Variants in NRDE2 observed in about 807,000 individuals in gnomAD.
NRDE2 encodes the protein NRDE-2, necessary for RNA interference, domain containing, also known as nuclear exosome regulator NRDE2.
NRDE2 carries 76 observed loss-of-function variants against 124.2 expected under a neutral mutation model. The ratio of observed to expected loss-of-function variants is 0.61; its 90% CI spans 0.51 to 0.74. NRDE2 has a LOEUF of 0.74. NRDE2 is among the 30% of genes least tolerant of loss of function. The probability of loss-of-function intolerance (pLI) is 0.00; values close to 1 mark genes in which losing one functional copy is unlikely to be tolerated. For synonymous variants in NRDE2, 489 were observed against 528.1 expected, an observed-to-expected ratio of 0.93 and a Z score of 1.01; for missense variants, 1,314 against 1,417.3, an observed-to-expected ratio of 0.93 and a Z score of 1.17.
At chr14:90,315,176 C>CA (rs71117336) in intron 3 of NRDE2, among the ~76,000 whole-genome samples, 37 of 31,782 alleles carry the variant, frequency 1.2e-3, no homozygotes, top group African/African-American at 2.2e-3. Flanking sequence ...TACTCTGTCT[C>CA]AAAAAAAAAA....
At chr14:90,323,630 C>A (rs566960933) in intron 1 of NRDE2, among the ~76,000 whole-genome samples, 18 of 152,274 alleles carry the variant, frequency 1.2e-4, no homozygotes, top group African/African-American at 4.3e-4. Flanking sequence ...AAAGCACCAG[C>A]AAACATGGCT....
In NRDE2 at chr14:90,288,808, C is replaced by T. The variant is rs573919799; in HGVS notation, c.2567G>A (p.Ser856Asn). 1.5e-5 allele frequency: 24 copies of T among 1,614,104 alleles called. No homozygotes were observed. The East Asian group carries it at 3.6e-4, about 24-fold the overall frequency. The change falls in exon 11 of 14, where the codon AGC (serine) becomes AAC (asparagine). Residue 856 changes from serine to asparagine, a missense_variant. Ser to Asn is a conservative substitution (Grantham distance 46). Transcript: ENST00000354366. Reference sequence around the variant, plus strand: ...TCCAGTGTAGGGCCCATAGGGGCTGCTCTCAGTCAGCTTGGTTAATATGTG... The same window carrying T: ...TCCAGTGTAGGGCCCATAGGGGCTGTTCTCAGTCAGCTTGGTTAATATGTG... ...AVHILTKLTE[S>N]SPYGPYTGQV...
chr14:90,315,416 G>A (rs867529322), intron 3 of NRDE2, among the ~76,000 whole-genome samples: 20 of 152,014 alleles, frequency 1.3e-4, no homozygotes, highest in South Asian at 2.1e-4. Flanking sequence ...AACCTCAACA[G>A]CACTATTTCT....
At position 90,300,084 on chromosome 14, in the gene NRDE2, C is replaced by T. The variant is rs189799898; in HGVS notation, c.1545+1155G>A. Among the ~76,000 whole-genome samples the T allele has an allele frequency of 1.6e-3, 239 of 152,212 alleles. 1 individual carries two copies. Among genetic ancestry groups the T allele is most frequent in the Non-Finnish European group, 2.7e-3 (186 of 68,022 alleles). ...CCCAACACTTTAGAGCAGTGGTCTT[C>T]GATGGGTCACATTTGTAGGCAGAAC... On this transcript the variant is annotated intron_variant, in intron 7 of 13. Transcript: ENST00000354366.
chr14:90,331,382 G>T (rs1885690734), intron 1 of NRDE2, among the ~76,000 whole-genome samples: 1 of 152,152 alleles, frequency 6.6e-6, no homozygotes, highest in Non-Finnish European at 1.5e-5. Flanking sequence ...TTAGGTTTTG[G>T]ATACTAATCC....
At chr14:90,281,497 C>G (rs1891952261) in intron 12 of NRDE2, 1 of 152,188 alleles carries the variant, frequency 6.6e-6, no homozygotes, top group South Asian at 2.1e-4. Flanking sequence ...AGGCGAGTAA[C>G]AGTGGCAGGC....
chr14:90,320,215 A>T (rs929329707), intron 1 of NRDE2, among the ~76,000 whole-genome samples: 1 of 152,242 alleles, frequency 6.6e-6, no homozygotes, highest in Non-Finnish European at 1.5e-5. Context: ...TGGGTAATTT[A>T]TAAAGGAAAG....
At position 90,276,785 on chromosome 14, in the gene NRDE2, G is replaced by T. The variant is rs1192289081; in HGVS notation, c.*1551C>A. The T allele has an allele frequency of 6.6e-6, 1 of 152,240 alleles. No individual in the cohort carries two copies. Among genetic ancestry groups the T allele is most frequent in the African/African-American group, 2.4e-5 (1 of 41,442 alleles). The allele number at this position is 152,240 out of a possible 1,614,324, so 9.4% of individuals were successfully genotyped here. The stretch of plus-strand genomic sequence containing the variant: ...CGCCCTTCTAAGTTCTGAACCAGAT[G>T]AGAAGAGACATGAGTCAGATGGGGA... On this transcript the variant is annotated 3_prime_UTR_variant, in exon 14 of 14. Coordinates refer to ENST00000354366, the MANE Select transcript of NRDE2 (RefSeq NM_017970.4).
rs2139653174 is a variant in NRDE2 at position 90,271,528 on chromosome 14, A to G, written c.*6808T>C. ...TCTGTAGTATTATTCCATAGTATAG[A>G]TACTGCCACTTACAGTATCTAACCA... is the stretch of plus-strand genomic sequence containing the variant. On this transcript the variant is annotated 3_prime_UTR_variant, in exon 14 of 14. Coordinates refer to ENST00000354366, the MANE Select transcript of NRDE2 (RefSeq NM_017970.4). 1 of 152,374 alleles carries G rather than the reference A, an allele frequency of 6.6e-6. No homozygotes were observed. The highest frequency in any genetic ancestry group is 3.4e-3 in the Middle Eastern group (1 of 294). 9.4% of individuals were successfully genotyped at this position (152,374 alleles called of 1,614,324 possible).
At chr14:90,326,084 A>G (rs1885420280) in intron 1 of NRDE2, among the ~76,000 whole-genome samples, 1 of 152,246 alleles carries the variant, frequency 6.6e-6, no homozygotes. Flanking sequence ...TGAATAAAGC[A>G]TGTGACAGCC....
chr14:90,300,320 G>T (rs1884346572), intron 7 of NRDE2, among the ~76,000 whole-genome samples: 1 of 152,102 alleles, frequency 6.6e-6, no homozygotes, highest in African/African-American at 2.4e-5. Context: ...AATTTAACTG[G>T]TATAATTCTT....
At chr14:90,306,828 A>G (rs1484665064) in intron 4 of NRDE2, among the ~76,000 whole-genome samples, 1 of 151,718 alleles carries the variant, frequency 6.6e-6, no homozygotes, top group Non-Finnish European at 1.5e-5. Context: ...AAAAAATAGC[A>G]CTAATGTAGT....
rs771584343 is a variant in NRDE2 at position 90,288,895 on chromosome 14, T to G, written c.2480A>C (p.Tyr827Ser). 2 of 1,614,180 alleles carry G rather than the reference T, an allele frequency of 1.2e-6. No individual in the cohort carries two copies. The highest frequency in any genetic ancestry group is 1.7e-6 in the Non-Finnish European group (2 of 1,180,016). The change falls in exon 11 of 14, where the codon TAT (tyrosine) becomes TCT (serine). Residue 827 changes from tyrosine to serine, a missense_variant. Physicochemically the swap from Tyr to Ser is moderately radical, Grantham distance 144 (BLOSUM62 -2). Coordinates refer to ENST00000354366, the MANE Select transcript of NRDE2 (RefSeq NM_017970.4). ...CGACAGCTCCACCTCCAGCTCAGCA[T>G]AGAGCAGACTGAGCTCACAGAGGTC... The part of the protein sequence containing the change: ...DSDLCELSLL[Y>S]AELEVELSPE...
At chr14:90,311,515 GCAGC>G (rs1460801130) in intron 4 of NRDE2, among the ~76,000 whole-genome samples, 1 of 152,170 alleles carries the variant, frequency 6.6e-6, no homozygotes, top group Non-Finnish European at 1.5e-5. Context: ...TTTATAAAGA[GCAGC>G]CACCATGTAA....
At chr14:90,308,484 G>A (rs1884700098) in intron 4 of NRDE2, among the ~76,000 whole-genome samples, 1 of 152,078 alleles carries the variant, frequency 6.6e-6, no homozygotes, top group Non-Finnish European at 1.5e-5. Flanking sequence ...CAGCCTCCAA[G>A]GGACAGTCCA....
intron 7 of NRDE2, among the ~76,000 whole-genome samples, chr14:90,299,748 C>T (rs7146724): frequency 0.26 from 39,693 of 152,024 alleles, 5,678 homozygotes; most frequent in Middle Eastern, 0.42. Context: ...AGGACGACTA[C>T]GCTCCCTCTT....
intron 3 of NRDE2, among the ~76,000 whole-genome samples, chr14:90,313,241 C>T (rs1884915004): frequency 6.6e-6 from 1 of 151,808 alleles, no homozygotes; most frequent in Admixed American, 6.6e-5. Context: ...ATTCTCCTGC[C>T]TCAGCCTCCT....
chr14:90,304,501 C>T lies in NRDE2; in HGVS notation c.558-119G>A, dbSNP rs964219973. 4 of 659,094 alleles carry T rather than the reference C, an allele frequency of 6.1e-6. No individual in the cohort carries two copies. In the African/African-American group the frequency reaches 7.3e-5, roughly 12 times the overall value. The allele number at this position is 659,094 out of a possible 1,614,324, so 40.8% of individuals were successfully genotyped here. ...GGTTCACTGCATATAACCAAATTCA[C>T]CTCACCTTCAGATTGTTTCTATTTG... On this transcript the variant is annotated intron_variant, in intron 4 of 13. Transcript: ENST00000354366.
At chr14:90,320,704 A>T (rs1191580281) in intron 1 of NRDE2, among the ~76,000 whole-genome samples, 1 of 152,224 alleles carries the variant, frequency 6.6e-6, no homozygotes, top group Non-Finnish European at 1.5e-5. Flanking sequence ...ATTAAACAGC[A>T]CAGAAAAAAG....
Sources: allele counts gnomAD v4.1 joint callset (sites outside exome capture counted in the v4.1 genomes callset), GRCh38; gene constraint gnomAD v4.1.1; transcripts MANE v1.5; gene names NCBI Gene and HGNC (gene_info 2026-07-23, HGNC 2026-07-21).